The following CTNNA3 variants were observed in gnomAD, a reference collection of about 807,000 sequenced individuals.
The protein encoded by CTNNA3 is catenin alpha-3.
CTNNA3 carries 76 observed loss-of-function variants against 95.7 expected under a neutral mutation model. The ratio of observed to expected loss-of-function variants is 0.79; its 90% CI spans 0.66 to 0.96. CTNNA3 has a LOEUF of 0.96. Among genes scored for constraint, CTNNA3 ranks in the 40% least tolerant of loss-of-function variants. CTNNA3 has a pLI of 0.00. For missense variants in CTNNA3, 1,191 were observed against 1,089.8 expected (o/e 1.09, Z -1.31); for synonymous variants, 431 against 374.4 (o/e 1.15, Z -1.74).
chr10:67,136,629 A>G (rs1028107028), intron 7 of CTNNA3, among the ~76,000 whole-genome samples: 2 of 152,124 alleles, frequency 1.3e-5, no homozygotes, highest in Non-Finnish European at 2.9e-5. Flanking sequence ...CCATATTTTC[A>G]ACTAGTATTC....
intron 13 of CTNNA3, among the ~76,000 whole-genome samples, chr10:66,125,617 T>A (rs2082786169): frequency 1.3e-5 from 2 of 152,182 alleles, no homozygotes; most frequent in South Asian, 4.1e-4. Flanking sequence ...GTCTGCAGCA[T>A]CATTTAAAAG....
upstream of CTNNA3, among the ~76,000 whole-genome samples, chr10:67,700,804 G>T (rs1053108547): frequency 2.6e-5 from 4 of 152,148 alleles, no homozygotes; most frequent in Non-Finnish European, 5.9e-5. Flanking sequence ...GAGAGAAGAA[G>T]GCTTCAGACG....
intron 7 of CTNNA3, among the ~76,000 whole-genome samples, chr10:66,930,814 A>G (rs1847341367): frequency 6.6e-6 from 1 of 152,160 alleles, no homozygotes; most frequent in African/African-American, 2.4e-5. Flanking sequence ...ATAATAGATA[A>G]GAACGAAAAT....
intron 13 of CTNNA3, among the ~76,000 whole-genome samples, chr10:66,267,060 C>T (rs1027708329): frequency 6.6e-6 from 1 of 151,936 alleles, no homozygotes; most frequent in East Asian, 1.9e-4. Context: ...AAATATTAGG[C>T]GGCTTAAGGC....
intron 9 of CTNNA3, among the ~76,000 whole-genome samples, chr10:66,669,879 G>C (rs1001397451): frequency 6.6e-6 from 1 of 152,122 alleles, no homozygotes; most frequent in Admixed American, 6.5e-5. Context: ...AGAATGCTGA[G>C]GTTCATAAAT....
At chr10:67,545,743 C>T (rs940948361) in intron 3 of CTNNA3, among the ~76,000 whole-genome samples, 1 of 152,090 alleles carries the variant, frequency 6.6e-6, no homozygotes, top group Admixed American at 6.6e-5. Flanking sequence ...GTTGTGGTTT[C>T]GGTCAAAACG....
intron 5 of CTNNA3, among the ~76,000 whole-genome samples, chr10:67,450,590 T>C (rs1356862196): frequency 6.6e-6 from 1 of 151,954 alleles, no homozygotes; most frequent in Admixed American, 6.6e-5. Context: ...TAAGAACTCA[T>C]GGACACAAAG....
chr10:67,134,406 A>G (rs1011921921), intron 7 of CTNNA3, among the ~76,000 whole-genome samples: 4 of 152,146 alleles, frequency 2.6e-5, no homozygotes, highest in African/African-American at 9.6e-5. Flanking sequence ...AACACAAAAA[A>G]AGGAATGTAT....
At chr10:66,836,376 CTCTT>C (rs568548380) in intron 7 of CTNNA3, among the ~76,000 whole-genome samples, 116 of 152,244 alleles carry the variant, frequency 7.6e-4, no homozygotes, top group African/African-American at 2.6e-3. Flanking sequence ...GAGTCACTGA[CTCTT>C]TAGCAGGAGA....
intron 2 of CTNNA3, among the ~76,000 whole-genome samples, chr10:67,640,490 A>T: frequency 6.6e-6 from 1 of 152,208 alleles, no homozygotes. Flanking sequence ...TCTTCACAGA[A>T]TTGGGAAAAA....
chr10:66,233,453 T>C (rs535590595), intron 13 of CTNNA3, among the ~76,000 whole-genome samples: 6 of 152,132 alleles, frequency 3.9e-5, no homozygotes, highest in Non-Finnish European at 7.4e-5. Flanking sequence ...ACATTTAGAA[T>C]ATGTAAAAGT....
intron 11 of CTNNA3, among the ~76,000 whole-genome samples, chr10:66,450,997 T>A (rs1439096190): frequency 1.3e-5 from 2 of 152,092 alleles, no homozygotes; most frequent in Non-Finnish European, 2.9e-5. Flanking sequence ...GCCTCCAATA[T>A]AAATGGAACT....
chr10:66,439,175 T>TA (rs1262091069), intron 11 of CTNNA3, among the ~76,000 whole-genome samples: 1 of 152,182 alleles, frequency 6.6e-6, no homozygotes, highest in Non-Finnish European at 1.5e-5. Context: ...ATTTTTAATA[T>TA]AATGGTTGTA....
chr10:67,730,948 T>C (rs1427416069), intron 1 of CTNNA3, among the ~76,000 whole-genome samples: 1 of 152,110 alleles, frequency 6.6e-6, no homozygotes, highest in African/African-American at 2.4e-5. Flanking sequence ...TTTAATAATA[T>C]AAACATTGAA....
At chr10:66,011,676 G>A (rs2079008243) in intron 15 of CTNNA3, among the ~76,000 whole-genome samples, 1 of 152,022 alleles carries the variant, frequency 6.6e-6, no homozygotes, top group South Asian at 2.1e-4. Flanking sequence ...ATCAAGCCTG[G>A]CACTTCTAAT....
chr10:66,822,995 C>T (rs1042054289), intron 7 of CTNNA3, among the ~76,000 whole-genome samples: 21 of 152,136 alleles, frequency 1.4e-4, no homozygotes, highest in Admixed American at 7.2e-4. Context: ...CTCTATGGTA[C>T]GGCATACTGA....
chr10:67,691,109 G>C (rs1456245968), intron 1 of CTNNA3, among the ~76,000 whole-genome samples: 2 of 152,226 alleles, frequency 1.3e-5, no homozygotes, highest in Non-Finnish European at 2.9e-5. Context: ...GGCCGGGCTG[G>C]TCTCCAGCTC....
intron 13 of CTNNA3, among the ~76,000 whole-genome samples, chr10:66,113,411 C>T (rs1035489979): frequency 1.3e-5 from 2 of 152,144 alleles, no homozygotes; most frequent in African/African-American, 4.8e-5. Flanking sequence ...AGTTTATATC[C>T]TATTTCCAAA....
At chr10:66,673,858 T>C (rs112514248) in intron 9 of CTNNA3, among the ~76,000 whole-genome samples, 2 of 152,174 alleles carry the variant, frequency 1.3e-5, no homozygotes, top group African/African-American at 4.8e-5. Context: ...AGTGTCAGAT[T>C]AGAAGTTCAA....
Sources: allele counts gnomAD v4.1 joint callset (sites outside exome capture counted in the v4.1 genomes callset), GRCh38; gene constraint gnomAD v4.1.1; transcripts MANE v1.5; gene names NCBI Gene and HGNC (gene_info 2026-07-23, HGNC 2026-07-21).